The following DAP3 variants were observed in gnomAD, a reference collection of about 807,000 sequenced individuals.
The protein encoded by DAP3 is death associated protein 3, also known as small ribosomal subunit protein mS29.
Under a neutral mutation model 51.9 loss-of-function variants are expected in DAP3, and 28 were observed. The observed-to-expected ratio is 0.54, with a 90% CI of 0.40 to 0.74. DAP3 has a LOEUF of 0.74. Among genes scored for constraint, DAP3 ranks in the 30% least tolerant of loss-of-function variants. The pLI is 0.00. For synonymous variants in DAP3, 170 were observed against 170.3 expected, an observed-to-expected ratio of 1.00 and a Z score of 0.01; for missense variants, 458 against 483.5, an observed-to-expected ratio of 0.95 and a Z score of 0.49.
rs1437998180 is a variant in DAP3, at chr1:155,721,551, A to G, written c.203A>G (p.Tyr68Cys). The change falls in exon 4 of 13, where the codon TAC becomes TGC. Residue 68 changes from tyrosine to cysteine, a missense_variant. Coordinates refer to ENST00000368336, the MANE Select transcript of DAP3 (RefSeq NM_004632.4). ...GGGGATCAGCACGAGGGTCAGCACT[A>G]CAACATCTCCCCCCAGGATTTGGAG... ...KHGDQHEGQH[Y>C]NISPQDLETV... 6.2e-7 allele frequency: 1 copy of G among 1,614,022 alleles called. No individual in the cohort carries two copies.
chr1:155,727,750 C>T lies in DAP3; in HGVS notation c.603+12C>T. ...GCTTCCTGAACCAGGTGACTAGACT[C>T]CCAGAAGTTGAGTGCTAGGTAGTCC... is the stretch of plus-strand genomic sequence containing the variant. On this transcript the variant is annotated intron_variant, in intron 7 of 12. Transcript: ENST00000368336. The T allele has an allele frequency of 6.2e-7, 1 of 1,612,966 alleles. No homozygotes were observed. The highest frequency in any genetic ancestry group is 8.5e-7 in the Non-Finnish European group (1 of 1,179,434).
chr1:155,701,714 C>G (rs1383851705), intron 1 of DAP3, among the ~76,000 whole-genome samples: 7 of 147,236 alleles, frequency 4.8e-5, no homozygotes, highest in Non-Finnish European at 9.0e-5. Flanking sequence ...AGAAAATGAT[C>G]AAAACAAATG....
rs576680986 is a variant in DAP3, at chr1:155,690,800, T to C, written c.-8+1626T>C. Among the ~76,000 whole-genome samples, 256 of 142,378 alleles carry C rather than the reference T, an allele frequency of 1.8e-3. 11 individuals carry two copies. Among genetic ancestry groups the C allele is most frequent in the Middle Eastern group, 3.4e-3 (1 of 294 alleles). 93.4% of individuals were successfully genotyped at this position (142,378 alleles called of 152,430 possible). A position where few individuals can be genotyped will look rare whatever the true frequency, so the allele number is the denominator to read the frequency against. On this transcript the variant is annotated intron_variant, in intron 1 of 12. Coordinates refer to ENST00000368336, the MANE Select transcript of DAP3 (RefSeq NM_004632.4). The stretch of plus-strand genomic sequence containing the variant: ...TGTCGCCAAGGCTGGAAGGCAGTAG[T>C]GCAGTCCTGGCTCACTGCAACCTCA...
rs756999098 is a variant in DAP3 at position 155,729,076 on chromosome 1, G to C, written c.638G>C (p.Arg213Thr). ...CAAGAGAAGTATGTCTGGAATAAGA[G>C]AGAAAGCACTGAGAAAGGGAGTCCT... ...KVQEKYVWNKRESTEKGSPLG... is the reference protein window; with the variant it reads ...KVQEKYVWNKTESTEKGSPLG... Residue 213 changes from arginine (R) to threonine (T), a missense_variant, in exon 8 of 13, where the codon AGA (arginine) becomes ACA (threonine). Physicochemically the swap from Arg to Thr is moderately conservative, Grantham distance 71. Transcript: ENST00000368336. 1.4e-5 allele frequency: 23 copies of C among 1,614,062 alleles called. No homozygotes were observed. The highest frequency in any genetic ancestry group is 1.9e-5 in the Non-Finnish European group (23 of 1,180,012).
intron 2 of DAP3, among the ~76,000 whole-genome samples, chr1:155,711,296 C>G (rs1656663710): frequency 6.6e-6 from 1 of 152,042 alleles, no homozygotes. Flanking sequence ...AGTTTGAGAC[C>G]AGCCTGGCCA....
At chr1:155,714,841 T>A (rs1657138824) in intron 2 of DAP3, among the ~76,000 whole-genome samples, 1 of 152,144 alleles carries the variant, frequency 6.6e-6, no homozygotes, top group Non-Finnish European at 1.5e-5. Flanking sequence ...TTTAGGATCA[T>A]GTCATAAAAT....
intron 11 of DAP3, among the ~76,000 whole-genome samples, chr1:155,735,809 T>C (rs571772288): frequency 2.7e-5 from 4 of 150,862 alleles, no homozygotes; most frequent in South Asian, 2.1e-4. Flanking sequence ...GTAGCTGGGA[T>C]TACAGGCACG....
At chr1:155,691,291 C>T (rs1377793700) in intron 1 of DAP3, among the ~76,000 whole-genome samples, 1 of 141,836 alleles carries the variant, frequency 7.1e-6, no homozygotes, top group East Asian at 1.9e-4. Context: ...CTCCCATTGC[C>T]TCTCGCAACC....
At chr1:155,726,197 T>A (rs1658565364) in intron 6 of DAP3, 178 bp downstream of exon 6, 1 of 403,688 alleles carries the variant, frequency 2.5e-6, no homozygotes, top group Non-Finnish European at 4.3e-6. Flanking sequence ...CACCGCAACC[T>A]CCGCCTCCCA....
intron 11 of DAP3, among the ~76,000 whole-genome samples, chr1:155,733,620 C>T (rs1222676715): frequency 2.0e-5 from 3 of 151,850 alleles, no homozygotes; most frequent in African/African-American, 7.3e-5. Context: ...GGGTGGATCA[C>T]GAGGTCAGGA....
chr1:155,714,902 C>T (rs1220299018), intron 2 of DAP3, among the ~76,000 whole-genome samples: 2 of 151,750 alleles, frequency 1.3e-5, no homozygotes, highest in African/African-American at 4.8e-5. Flanking sequence ...ATTTTCTGCA[C>T]TCAAAAAGCT....
chr1:155,691,267 C>A (rs1178276781), intron 1 of DAP3, among the ~76,000 whole-genome samples: 7 of 141,834 alleles, frequency 4.9e-5, no homozygotes, highest in Non-Finnish European at 1.0e-4. Flanking sequence ...CAGTAAGTTG[C>A]TTTCCATTCC....
intron 1 of DAP3, chr1:155,709,179 C>T (rs1200282752): frequency 2.0e-5 from 3 of 151,100 alleles, no homozygotes; most frequent in African/African-American, 7.3e-5. Context: ...GGTGGTCTCA[C>T]TCTGTCATCC....
chr1:155,695,742 CT>C (rs1393466141), intron 1 of DAP3, among the ~76,000 whole-genome samples: 1 of 152,164 alleles, frequency 6.6e-6, no homozygotes, highest in African/African-American at 2.4e-5. Context: ...TCTTCTAATA[CT>C]GCAATCATTG....
chr1:155,739,007 T>TAAATAAATAAATAAATAAA (rs1280668139), exon 13 of DAP3: 3 of 106,090 alleles, frequency 2.8e-5, no homozygotes, highest in African/African-American at 1.1e-4. Context: ...AAATAAATAA[T>TAAATAAATAAATAAATAAA]AAATGTATAC....
Position 155,738,360 on chromosome 1 carries a change from G to C in DAP3, c.*118G>C. ...GCCAGGCCCTTGTACCTATGGGATT[G>C]GACAGGACTGCAGTTGGCTCTGGAC... On this transcript the variant is annotated 3_prime_UTR_variant, in exon 13 of 13. Coordinates refer to ENST00000368336, the MANE Select transcript of DAP3 (RefSeq NM_004632.4). 9.6e-7 allele frequency: 1 copy of C among 1,045,930 alleles called. No individual in the cohort carries two copies. Among genetic ancestry groups the C allele is most frequent in the Non-Finnish European group, 1.4e-6 (1 of 717,282 alleles). The allele number at this position is 1,045,930 out of a possible 1,614,324, so 64.8% of individuals were successfully genotyped here. A position where few individuals can be genotyped will look rare whatever the true frequency, so the allele number is the denominator to read the frequency against.
chr1:155,688,750 G>C, upstream of DAP3: 2 of 1,518,016 alleles, frequency 1.3e-6, no homozygotes, highest in Non-Finnish European at 1.8e-6. Flanking sequence ...CGCCAAAGCA[G>C]CCGCCGCCAG....
intron 1 of DAP3, among the ~76,000 whole-genome samples, chr1:155,701,017 CCCGCCCGGCCAG>C (rs1291939739): frequency 7.9e-6 from 1 of 126,038 alleles, no homozygotes; most frequent in Non-Finnish European, 1.6e-5. Flanking sequence ...GGGTCAGCCC[CCCGCCCGGCCAG>C]CCGCCCCCTC....
chr1:155,688,540 T>A (rs1653060290), upstream of DAP3: 4 of 1,541,764 alleles, frequency 2.6e-6, no homozygotes, highest in Non-Finnish European at 3.5e-6. Flanking sequence ...ACCACCACCT[T>A]CGGCCGTCCT....
Sources: allele counts gnomAD v4.1 joint callset (sites outside exome capture counted in the v4.1 genomes callset), GRCh38; gene constraint gnomAD v4.1.1; transcripts MANE v1.5; gene names NCBI Gene and HGNC (gene_info 2026-07-23, HGNC 2026-07-21).